Variants in GABRB1 observed in about 807,000 individuals in gnomAD.
GABRB1 encodes gamma-aminobutyric acid receptor subunit beta-1.
GABRB1 carries 17 observed loss-of-function variants against 51.6 expected under a neutral mutation model. The ratio of observed to expected loss-of-function variants is 0.33; its 90% CI spans 0.23 to 0.49. The LOEUF is 0.49. Ranked by LOEUF, GABRB1 falls within the 20% of genes least tolerant of loss-of-function variation. The pLI is 0.99. For missense variants in GABRB1, 410 were observed against 600.6 expected, an observed-to-expected ratio of 0.68 and a Z score of 3.32; for synonymous variants, 247 against 218.9, an observed-to-expected ratio of 1.13 and a Z score of -1.14.
chr4:47,367,111 CCT>C (rs1374032595), intron 5 of GABRB1, among the ~76,000 whole-genome samples: 2 of 152,280 alleles, frequency 1.3e-5, no homozygotes, highest in East Asian at 3.9e-4. Context: ...CCTTTATCCT[CCT>C]CTCTGCTTAT....
At chr4:47,057,773 A>G (rs1194451946) in intron 3 of GABRB1, among the ~76,000 whole-genome samples, 1 of 152,228 alleles carries the variant, frequency 6.6e-6, no homozygotes, top group Non-Finnish European at 1.5e-5. Context: ...ACGGACTGCA[A>G]TCTGGTAATG....
At chr4:47,341,773 ATCT>A (rs537933214) in intron 5 of GABRB1, among the ~76,000 whole-genome samples, 81 of 152,304 alleles carry the variant, frequency 5.3e-4, no homozygotes, top group Non-Finnish European at 9.6e-4. Flanking sequence ...AAATGAACAA[ATCT>A]TCTTTGGACA....
rs3832300 is a variant in GABRB1 at position 47,426,318 on chromosome 4, C to CT, written c.*304dup. The CT allele has an allele frequency of 0.048, 10,197 of 213,426 alleles. 279 individuals are homozygous for CT. The highest frequency in any genetic ancestry group is 0.1 in the Middle Eastern group (64 of 638). 13.2% of individuals were successfully genotyped at this position (213,426 alleles called of 1,614,324 possible). The stretch of plus-strand genomic sequence containing the variant: ...GTTAGACAGGTAGATCTTTAGCAGT[C>CT]TTTTCTAGTTTCCCTGGATTTCACT... On this transcript the variant is annotated 3_prime_UTR_variant, in exon 9 of 9. Coordinates refer to ENST00000295454, the MANE Select transcript of GABRB1 (RefSeq NM_000812.4).
chr4:47,078,365 C>T (rs1727666927), intron 3 of GABRB1, among the ~76,000 whole-genome samples: 1 of 152,108 alleles, frequency 6.6e-6, no homozygotes, highest in African/African-American at 2.4e-5. Context: ...TTCTTAACCT[C>T]TTCTTTTCTC....
At chr4:47,387,238 G>A (rs1322633447) in intron 5 of GABRB1, among the ~76,000 whole-genome samples, 1 of 152,186 alleles carries the variant, frequency 6.6e-6, no homozygotes, top group African/African-American at 2.4e-5. Flanking sequence ...AAGACGGGTG[G>A]ATCACCTGAG....
intron 4 of GABRB1, among the ~76,000 whole-genome samples, chr4:47,288,331 C>T (rs1000454787): frequency 3.4e-4 from 51 of 151,830 alleles, no homozygotes; most frequent in Admixed American, 3.1e-3. Flanking sequence ...GGCGCGATCT[C>T]GGCTCACTGC....
intron 5 of GABRB1, among the ~76,000 whole-genome samples, chr4:47,397,870 G>T (rs1728233078): frequency 6.6e-6 from 1 of 152,054 alleles, no homozygotes; most frequent in Non-Finnish European, 1.5e-5. Context: ...ACCACACCCA[G>T]CCTATTTCTA....
intron 1 of GABRB1, among the ~76,000 whole-genome samples, chr4:47,000,025 T>C (rs753174189): frequency 4.6e-5 from 7 of 152,324 alleles, no homozygotes; most frequent in Non-Finnish European, 7.3e-5. Flanking sequence ...GGAGACAGAT[T>C]TGAGCTGGAC....
chr4:47,355,613 C>T (rs1022225144), intron 5 of GABRB1, among the ~76,000 whole-genome samples: 1 of 152,186 alleles, frequency 6.6e-6, no homozygotes, highest in Non-Finnish European at 1.5e-5. Flanking sequence ...CTTTTTATGG[C>T]TTTTGCCTCC....
At chr4:47,407,021 A>G in intron 8 of GABRB1, 95 bp downstream of exon 8, 3 of 1,204,856 alleles carry the variant, frequency 2.5e-6, no homozygotes, top group Non-Finnish European at 3.4e-6. Flanking sequence ...TAATAAAAAA[A>G]TAGTTGATAT....
At chr4:47,248,957 G>T (rs538054637) in intron 4 of GABRB1, among the ~76,000 whole-genome samples, 7 of 152,018 alleles carry the variant, frequency 4.6e-5, no homozygotes, top group African/African-American at 1.4e-4. Flanking sequence ...GAAAGAACCA[G>T]CTTTTCGTTT....
intron 7 of GABRB1, among the ~76,000 whole-genome samples, 175 bp downstream of exon 7, chr4:47,403,886 A>G (rs1262287777): frequency 1.3e-5 from 2 of 152,234 alleles, no homozygotes; most frequent in Non-Finnish European, 2.9e-5. Context: ...ATATTCTACA[A>G]TGTACTGTCT....
intron 4 of GABRB1, among the ~76,000 whole-genome samples, chr4:47,243,121 A>G (rs1487397815): frequency 1.3e-5 from 2 of 152,202 alleles, no homozygotes; most frequent in Non-Finnish European, 2.9e-5. Context: ...CAGTTTTCCC[A>G]GCACCATTTA....
chr4:47,244,832 C>A (rs1392880147), intron 4 of GABRB1, among the ~76,000 whole-genome samples: 2 of 152,158 alleles, frequency 1.3e-5, no homozygotes, highest in Non-Finnish European at 2.9e-5. Flanking sequence ...ATCTCTGGGA[C>A]ACATTTAAAG....
intron 3 of GABRB1, among the ~76,000 whole-genome samples, chr4:47,119,019 T>A (rs1715627211): frequency 6.6e-6 from 1 of 152,160 alleles, no homozygotes; most frequent in East Asian, 1.9e-4. Context: ...TACATGCATA[T>A]GAAAATGTAC....
chr4:47,184,626 G>A (rs531338376), intron 4 of GABRB1, among the ~76,000 whole-genome samples: 1 of 151,984 alleles, frequency 6.6e-6, no homozygotes, highest in East Asian at 1.9e-4. Flanking sequence ...ACCCCCATGA[G>A]CTGGGTTAGA....
intron 3 of GABRB1, among the ~76,000 whole-genome samples, chr4:47,095,701 G>T (rs1294817287): frequency 1.3e-5 from 2 of 152,206 alleles, no homozygotes; most frequent in Non-Finnish European, 2.9e-5. Context: ...CACTGATGTG[G>T]ATATTAATGA....
intron 5 of GABRB1, among the ~76,000 whole-genome samples, chr4:47,350,244 G>GAGAGAGAGAGA (rs1553877270): frequency 3.7e-5 from 5 of 135,456 alleles, no homozygotes; most frequent in African/African-American, 1.4e-4. Flanking sequence ...GAGAGAGAGA[G>GAGAGAGAGAGA]GTTTTAAGGC....
intron 4 of GABRB1, among the ~76,000 whole-genome samples, chr4:47,254,628 T>C (rs966614418): frequency 6.6e-5 from 10 of 151,994 alleles, no homozygotes; most frequent in Non-Finnish European, 1.5e-5. Flanking sequence ...TGCCTTGGCC[T>C]CTCAAAGTGC....
Sources: gnomAD v4.1 joint callset for allele counts (sites outside exome capture counted in the v4.1 genomes callset) on GRCh38, gnomAD v4.1.1 for gene constraint, MANE v1.5 for transcripts, NCBI Gene and HGNC (gene_info 2026-07-23, HGNC 2026-07-21) for gene names.